The following MAMSTR variants were observed in gnomAD, a reference collection of about 807,000 sequenced individuals.
The protein encoded by MAMSTR is MEF2-activating motif and SAP domain-containing transcriptional regulator.
In MAMSTR, 41 loss-of-function variants were observed where a neutral mutation model predicts 42.7. The ratio of observed to expected loss-of-function variants is 0.96; its 90% CI spans 0.75 to 1.25. MAMSTR has a LOEUF of 1.25. Ranked by LOEUF, MAMSTR falls within the 50% of genes most tolerant of loss-of-function variation. The probability of loss-of-function intolerance (pLI) is 0.00; values close to 1 mark genes in which losing one functional copy is unlikely to be tolerated. For missense variants in MAMSTR, 567 were observed against 557.6 expected, an observed-to-expected ratio of 1.02 and a Z score of -0.17; for synonymous variants, 265 against 244.1, an observed-to-expected ratio of 1.09 and a Z score of -0.80.
downstream of MAMSTR, among the ~76,000 whole-genome samples, chr19:48,711,978 G>C (rs281382): frequency 6.6e-6 from 1 of 151,606 alleles, no homozygotes; most frequent in Non-Finnish European, 1.5e-5. Context: ...GGATGGTCTC[G>C]ATCTCCTGAC....
chr19:48,710,168 C>T (rs2032701594), downstream of MAMSTR, among the ~76,000 whole-genome samples: 1 of 151,414 alleles, frequency 6.6e-6, no homozygotes, highest in Admixed American at 6.6e-5. Context: ...ACTGTGTTGC[C>T]CAGGCTGGAG....
the MAMSTR span, among the ~76,000 whole-genome samples, chr19:48,706,456 A>G: frequency 3.3e-5 from 5 of 151,624 alleles, no homozygotes; most frequent in African/African-American, 1.2e-4. Context: ...TGGCCAACAT[A>G]GTGAAACCCT....
intron 5 of MAMSTR, 29 bp from the exon 6 acceptor site, chr19:48,714,937 G>T: frequency 2.1e-6 from 3 of 1,456,908 alleles, no homozygotes; most frequent in Non-Finnish European, 1.9e-6. Context: ...GGCGAACAAA[G>T]GTTAGAGAGG....
At position 48,715,648 on chromosome 19, in the gene MAMSTR, G is replaced by A; in HGVS notation, c.217C>T (p.Pro73Ser). The A allele has an allele frequency of 1.3e-6, 2 of 1,543,954 alleles. No homozygotes were observed. Among genetic ancestry groups the A allele is most frequent in the Non-Finnish European group, 1.7e-6 (2 of 1,145,012 alleles). The change falls in exon 4 of 10, where the codon CCT becomes TCT. Residue 73 changes from proline to serine, a missense_variant. Physicochemically the swap from Pro to Ser is moderately conservative, Grantham distance 74 (BLOSUM62 -1). Coordinates refer to ENST00000318083, the MANE Select transcript of MAMSTR (RefSeq NM_001130915.2). ...GVLLPEPEYC[P>S]PWRSPKKESP... ...ACCTTCTTTGGGGACCTCCAAGGAG[G>A]ACAATATTCTGGCTCGGGGAGCAGG...
In MAMSTR at chr19:48,714,810, A is replaced by G. The variant is rs771189688; in HGVS notation, c.524T>C (p.Leu175Pro). Residue 175 changes from leucine (L) to proline (P), a missense_variant, in exon 6 of 10, where the codon CTG (leucine) becomes CCG (proline). Physicochemically the swap from Leu to Pro is moderately conservative, Grantham distance 98. Transcript: ENST00000318083. Reference sequence around the variant, plus strand: ...AAAGTTACACCCCAAACTCACCGTCAGCTCCTCCAGTTTAAGGGTCTGAAG... The same window carrying G: ...AAAGTTACACCCCAAACTCACCGTCGGCTCCTCCAGTTTAAGGGTCTGAAG... ...LELQTLKLEELTVSELRQQLR... is the reference protein window; with the variant it reads ...LELQTLKLEEPTVSELRQQLR... 2.5e-6 allele frequency: 4 copies of G among 1,605,662 alleles called. No homozygotes were observed. Among genetic ancestry groups the G allele is most frequent in the Non-Finnish European group, 3.4e-6 (4 of 1,172,284 alleles).
chr19:48,706,779 G>A, the MAMSTR span, among the ~76,000 whole-genome samples: 2 of 152,024 alleles, frequency 1.3e-5, no homozygotes, highest in East Asian at 1.9e-4. Context: ...CTCTCAAGAC[G>A]GCATTAACAA....
rs761106428 is a variant in MAMSTR, at chr19:48,714,824, A to T, written c.510T>A (p.Leu170=). ...AACTCACCGTCAGCTCCTCCAGTTTAAGGGTCTGAAGTTCCAACTTGTGTG... is the reference window on the plus strand; with the variant it reads ...AACTCACCGTCAGCTCCTCCAGTTTTAGGGTCTGAAGTTCCAACTTGTGTG... ...PPPHKLELQT[L]KLEELTVSEL... Residue 170 remains leucine, a synonymous_variant, in exon 6 of 10, where the codon CTT becomes CTA. Transcript: ENST00000318083. 1.2e-6 allele frequency: 2 copies of T among 1,610,420 alleles called. No individual in the cohort carries two copies. Among genetic ancestry groups the T allele is most frequent in the Non-Finnish European group, 1.7e-6 (2 of 1,176,748 alleles).
rs778328645 is a variant in MAMSTR, at chr19:48,715,632, G to A, written c.233C>T (p.Pro78Leu). The A allele has an allele frequency of 6.5e-7, 1 of 1,540,030 alleles. No homozygotes were observed. Among genetic ancestry groups the A allele is most frequent in the South Asian group, 1.2e-5 (1 of 82,680 alleles). The change falls in exon 4 of 10, where the codon CCA (proline) becomes CTA (leucine). Residue 78 changes from proline to leucine, a missense_variant. Physicochemically the swap from Pro to Leu is moderately conservative, Grantham distance 98. Transcript: ENST00000318083. ...CCTCCAGTCGAGACTCACCTTCTTT[G>A]GGGACCTCCAAGGAGGACAATATTC... ...EPEYCPPWRSPKKESPKISQR... is the reference protein window; with the variant it reads ...EPEYCPPWRSLKKESPKISQR...
At position 48,714,404 on chromosome 19, in the gene MAMSTR, T is replaced by C; in HGVS notation, c.685A>G (p.Lys229Glu). 2 of 1,389,596 alleles carry C rather than the reference T, an allele frequency of 1.4e-6. No individual in the cohort carries two copies. The highest frequency in any genetic ancestry group is 1.7e-5 in the South Asian group (1 of 60,486). 86.1% of individuals were successfully genotyped at this position (1,389,596 alleles called of 1,614,324 possible). Reference sequence around the variant, plus strand: ...CGGGCGGCTGCCAGGGCCTTGGGCTTGAGGCGCGGCCAGGGAGCACCCGCG... The same window carrying C: ...CGGGCGGCTGCCAGGGCCTTGGGCTCGAGGCGCGGCCAGGGAGCACCCGCG... ...SPAGAPWPRL[K>E]PKALAAARRQ... The change falls in exon 7 of 10, where the codon AAG (lysine) becomes GAG (glutamate). Residue 229 changes from lysine (K) to glutamate (E), a missense_variant. Transcript: ENST00000318083.
chr19:48,714,307 CG>C, intron 7 of MAMSTR, 58 bp downstream of exon 7: 1 of 1,312,736 alleles, frequency 7.6e-7, no homozygotes, highest in South Asian at 1.9e-5. Context: ...TTCGACACCC[CG>C]CCCCGGCCCA....
At chr19:48,715,120 G>A (rs2032944003) in intron 5 of MAMSTR, 142 bp downstream of exon 5, 7 of 745,468 alleles carry the variant, frequency 9.4e-6, no homozygotes, top group East Asian at 2.7e-5. Context: ...CGAAGGGAGG[G>A]GCTGGGATCC....
At position 48,714,851 on chromosome 19, in the gene MAMSTR, G is replaced by C. The variant is rs750096849; in HGVS notation, c.483C>G (p.Pro161=). Residue 161 remains proline, a synonymous_variant, in exon 6 of 10, where the codon CCC becomes CCG. Transcript: ENST00000318083. The part of the protein sequence containing the change: ...CPPGVPSPSP[P]PHKLELQTLK... Reference sequence around the variant, plus strand: ...GGGTCTGAAGTTCCAACTTGTGTGGGGGGGGCGAGGGGCTAGGGACTCCTG... The same window carrying C: ...GGGTCTGAAGTTCCAACTTGTGTGGCGGGGGCGAGGGGCTAGGGACTCCTG... The C allele has an allele frequency of 3.7e-5, 59 of 1,613,014 alleles. No individual in the cohort carries two copies. The Middle Eastern group carries it at 8.2e-4, about 22-fold the overall frequency.
the MAMSTR span, among the ~76,000 whole-genome samples, chr19:48,706,207 C>A: frequency 0.47 from 70,629 of 149,152 alleles, 17,663 homozygotes; most frequent in Middle Eastern, 0.59. Flanking sequence ...GAATCGTTTG[C>A]ACCAGGGAGG....
chr19:48,706,635 C>CA, the MAMSTR span, among the ~76,000 whole-genome samples: 8 of 151,642 alleles, frequency 5.3e-5, no homozygotes, highest in East Asian at 1.9e-4. Flanking sequence ...GAAACTTGGT[C>CA]AAAAAAAAGA....
At chr19:48,716,973 G>A (rs1293512156) in intron 2 of MAMSTR, 3 of 1,165,326 alleles carry the variant, frequency 2.6e-6, no homozygotes, top group Non-Finnish European at 3.2e-6. Flanking sequence ...CTACGAGCCA[G>A]CCAGCGTGCA....
At chr19:48,715,014 G>A (rs915344167) in intron 5 of MAMSTR, 106 bp from the exon 6 acceptor site, 3 of 792,926 alleles carry the variant, frequency 3.8e-6, no homozygotes, top group Non-Finnish European at 6.0e-6. Flanking sequence ...GAAAAGTGAG[G>A]GTCCAGAATT....
chr19:48,715,890 T>A, intron 3 of MAMSTR, 123 bp from the exon 4 acceptor site: 1 of 1,450,598 alleles, frequency 6.9e-7, no homozygotes, highest in Non-Finnish European at 9.0e-7. Flanking sequence ...AAGACTTGAT[T>A]GCTGGGAGAT....
At chr19:48,706,672 T>G in the MAMSTR span, among the ~76,000 whole-genome samples, 1 of 152,120 alleles carries the variant, frequency 6.6e-6, no homozygotes, top group African/African-American at 2.4e-5. Flanking sequence ...AACGATTTTT[T>G]AGATCTCAAT....
At chr19:48,718,905 C>T (rs1355636256) in intron 2 of MAMSTR, 69 bp downstream of exon 2, 11 of 1,136,202 alleles carry the variant, frequency 9.7e-6, no homozygotes, top group African/African-American at 1.5e-5. Flanking sequence ...TACCACCCCT[C>T]CCTTCCCACC....
Sources: gnomAD v4.1 joint callset for allele counts (sites outside exome capture counted in the v4.1 genomes callset) on GRCh38, gnomAD v4.1.1 for gene constraint, MANE v1.5 for transcripts, NCBI Gene and HGNC (gene_info 2026-07-23, HGNC 2026-07-21) for gene names.